Variants in ZWILCH observed in about 807,000 individuals in gnomAD.
The protein encoded by ZWILCH is zwilch kinetochore protein, also known as protein zwilch homolog.
Under a neutral mutation model 79.9 loss-of-function variants are expected in ZWILCH, and 74 were observed. That is an observed-to-expected ratio of 0.93 (90% CI 0.77 to 1.12). The LOEUF (loss-of-function observed/expected upper bound fraction) is 1.12. ZWILCH is among the 50% of genes most tolerant of loss of function. The pLI is 0.00. For missense variants in ZWILCH, 694 were observed against 687.5 expected, an observed-to-expected ratio of 1.01 and a Z score of -0.11; for synonymous variants, 241 against 228.2, an observed-to-expected ratio of 1.06 and a Z score of -0.51.
chr15:66,517,430 G>GTGTATATATATA, intron 4 of ZWILCH, among the ~76,000 whole-genome samples: 71 of 66,508 alleles, frequency 1.1e-3, no homozygotes, highest in African/African-American at 4.1e-3. Context: ...GTGTGTGTGT[G>GTGTATATATATA]TATATATATA....
At chr15:66,547,573 G>A (rs1230900893) in intron 18 of ZWILCH, 1 of 151,974 alleles carries the variant, frequency 6.6e-6, no homozygotes, top group Non-Finnish European at 1.5e-5. Context: ...AGACGATATT[G>A]AGTTACCTAG....
intron 2 of ZWILCH, among the ~76,000 whole-genome samples, chr15:66,513,716 C>A (rs936615628): frequency 2.0e-5 from 3 of 151,974 alleles, no homozygotes; most frequent in Non-Finnish European, 4.4e-5. Context: ...GGACTACAGG[C>A]GCCCGCCACC....
Position 66,528,903 on chromosome 15 carries a change from A to T in ZWILCH, c.1021A>T (p.Lys341Ter). The change falls in exon 11 of 19, where the codon AAA becomes TAA. Residue 341 changes from lysine (K) to a stop codon, truncating the protein, a stop_gained. Transcript: ENST00000307897. LOFTEE classifies it high-confidence loss of function. ...AVDRSVKRLFKVRSDLDFAEQ... is the reference protein window; with the variant it reads ...AVDRSVKRLF ...CGATCGTTCCGTCAAGCGTCTTTTC[A>T]AAGTTCGGAGTGATCTTGATTTTGC... 6.2e-7 allele frequency: 1 copy of T among 1,614,120 alleles called. No individual in the cohort carries two copies. The highest frequency in any genetic ancestry group is 1.7e-5 in the Admixed American group (1 of 60,022).
chr15:66,514,011 C>A lies in ZWILCH; in HGVS notation c.129C>A (p.Ile43=), dbSNP rs779376855. 41 of 1,611,674 alleles carry A rather than the reference C, an allele frequency of 2.5e-5. No individual in the cohort carries two copies. The highest frequency in any genetic ancestry group is 3.3e-5 in the Non-Finnish European group (39 of 1,179,094). ...LYEADVQVQL[I]SKGQPNPLKN... ...AGGCTGATGTCCAAGTGCAGTTGAT[C>A]AGCAAAGGCCAACCAAACCCTTTGA... is the stretch of plus-strand genomic sequence containing the variant. Residue 43 remains isoleucine, a synonymous_variant, in exon 3 of 19, where the codon ATC becomes ATA. Coordinates refer to ENST00000307897, the MANE Select transcript of ZWILCH (RefSeq NM_017975.5).
chr15:66,528,042 G>A (rs1894737342), intron 10 of ZWILCH, 130 bp downstream of exon 10: 1 of 561,880 alleles, frequency 1.8e-6, no homozygotes. Context: ...GGGAATTTTT[G>A]TTGATCTTTA....
Position 66,517,430 on chromosome 15 carries a change from G to GTATATATA in ZWILCH, c.321-1430_321-1423dup, listed in dbSNP as rs1555424251. Among the ~76,000 whole-genome samples the GTATATATA allele has an allele frequency of 4.2e-4, 28 of 66,516 alleles. 1 individual carries two copies. Among genetic ancestry groups the GTATATATA allele is most frequent in the Middle Eastern group, 0.016 (2 of 126 alleles). The allele number at this position is 66,516 out of a possible 152,430, so 43.6% of individuals were successfully genotyped here. On this transcript the variant is annotated intron_variant, in intron 4 of 18. Transcript: ENST00000307897. ...TGTTTGTGTGTGCGTGTGTGTGTGT[G>GTATATATA]TATATATATATATATATATATATAT...
chr15:66,523,626 G>T, intron 7 of ZWILCH, 51 bp from the exon 8 acceptor site: 1 of 1,162,974 alleles, frequency 8.6e-7, no homozygotes, highest in South Asian at 1.3e-5. Flanking sequence ...CACTTATGTA[G>T]AGAAGGTAGG....
At chr15:66,509,834 T>C (rs186252599) in intron 2 of ZWILCH, among the ~76,000 whole-genome samples, 2,284 of 42,564 alleles carry the variant, frequency 0.054, 154 homozygotes, top group African/African-American at 0.21. Flanking sequence ...TATATATATA[T>C]ATATATATAT....
intron 4 of ZWILCH, among the ~76,000 whole-genome samples, chr15:66,518,461 T>C (rs1204388866): frequency 6.6e-6 from 1 of 152,056 alleles, no homozygotes; most frequent in Non-Finnish European, 1.5e-5. Context: ...TTTGTATTTT[T>C]AGTAGAGATG....
At chr15:66,518,849 C>CTA (rs1894384050) in intron 4 of ZWILCH, 30 bp from the exon 5 acceptor site, 1 of 1,586,584 alleles carries the variant, frequency 6.3e-7, no homozygotes. Flanking sequence ...AAATCTCTAT[C>CTA]TATAATTTGT....
At chr15:66,520,528 T>C in intron 5 of ZWILCH, 62 bp from the exon 6 acceptor site, 1 of 836,870 alleles carries the variant, frequency 1.2e-6, no homozygotes. Context: ...ATTACAGTTT[T>C]GTAGCTCTGA....
rs761737376 is a variant in ZWILCH at position 66,548,568 on chromosome 15, G to A, written c.*244G>A. 1.9e-6 allele frequency: 3 copies of A among 1,612,652 alleles called. No individual in the cohort carries two copies. Among genetic ancestry groups the A allele is most frequent in the South Asian group, 1.1e-5 (1 of 91,032 alleles). The stretch of plus-strand genomic sequence containing the variant: ...AGAGGGAGCAGACAGTGGGTACCAC[G>A]ATCTCCGTAACCATTTGCATGTGAC... On this transcript the variant is annotated 3_prime_UTR_variant, in exon 19 of 19. Coordinates refer to ENST00000307897, the MANE Select transcript of ZWILCH (RefSeq NM_017975.5).
At chr15:66,539,224 G>A (rs1298642881) in intron 16 of ZWILCH, among the ~76,000 whole-genome samples, 2 of 152,062 alleles carry the variant, frequency 1.3e-5, no homozygotes, top group East Asian at 3.9e-4. Flanking sequence ...GCAACACGGT[G>A]AAACCCTGTC....
At position 66,537,246 on chromosome 15, in the gene ZWILCH, A is replaced by T. The variant is rs1194022522; in HGVS notation, c.1557A>T (p.Val519=). ...IFQLPVRPTA[V]KNLYQSEKPQ... is the part of the protein sequence containing the mutation. ...AGCTGCCAGTCAGACCAACTGCTGT[A>T]AAGAACTTATATCAAAGGTAAGCAA... Residue 519 remains valine (V), a synonymous_variant, in exon 16 of 19, where the codon GTA becomes GTT. Transcript: ENST00000307897. 1.2e-6 allele frequency: 2 copies of T among 1,612,938 alleles called. No homozygotes were observed. Among genetic ancestry groups the T allele is most frequent in the South Asian group, 2.2e-5 (2 of 91,024 alleles).
At chr15:66,515,147 C>T (rs1894206148) in intron 3 of ZWILCH, among the ~76,000 whole-genome samples, 1 of 151,732 alleles carries the variant, frequency 6.6e-6, no homozygotes, top group Non-Finnish European at 1.5e-5. Flanking sequence ...CACAGGTCTC[C>T]CTGTGTTGCC....
rs555714749 is a variant in ZWILCH at position 66,528,652 on chromosome 15, ATAATTT to A, written c.970-196_970-191del. The stretch of plus-strand genomic sequence containing the variant: ...AGCTGAATGCTCACTTTTAGGCACT[ATAATTT>A]TAAAACAATATTAAGGGTCTTGTTT... On this transcript the variant is annotated intron_variant, in intron 10 of 18. Coordinates refer to ENST00000307897, the MANE Select transcript of ZWILCH (RefSeq NM_017975.5). Among the ~76,000 whole-genome samples the A allele has an allele frequency of 2.4e-3, 370 of 152,234 alleles. 4 individuals carry two copies. The highest frequency in any genetic ancestry group is 8.7e-3 in the African/African-American group (362 of 41,530).
At chr15:66,517,455 T>TATATATATAGAGAGAG (rs1180456312) in intron 4 of ZWILCH, among the ~76,000 whole-genome samples, 23 of 115,210 alleles carry the variant, frequency 2.0e-4, no homozygotes, top group South Asian at 1.2e-3. Flanking sequence ...TATATATATA[T>TATATATATAGAGAGAG]AGTAATGTAC....
chr15:66,543,449 CT>C (rs1424755635), intron 17 of ZWILCH, among the ~76,000 whole-genome samples: 1 of 152,114 alleles, frequency 6.6e-6, no homozygotes, highest in Non-Finnish European at 1.5e-5. Context: ...ATCTGCAAAG[CT>C]TTTAAGGTTC....
chr15:66,507,896 G>A (rs1239778349), intron 1 of ZWILCH, among the ~76,000 whole-genome samples: 1 of 146,750 alleles, frequency 6.8e-6, no homozygotes, highest in African/African-American at 2.5e-5. Context: ...TCACGCCACT[G>A]TACTCCAACT....
Sources: gnomAD v4.1 joint callset for allele counts (sites outside exome capture counted in the v4.1 genomes callset) on GRCh38, gnomAD v4.1.1 for gene constraint, MANE v1.5 for transcripts, NCBI Gene and HGNC (gene_info 2026-07-23, HGNC 2026-07-21) for gene names.